Variants in PCDHGA8 observed in about 807,000 individuals in gnomAD.
The protein encoded by PCDHGA8 is protocadherin gamma subfamily A, 8, also known as protocadherin gamma-A8.
Under a neutral mutation model 59.2 loss-of-function variants are expected in PCDHGA8, and 45 were observed. The observed-to-expected ratio is 0.76, with a 90% CI of 0.60 to 0.98. PCDHGA8 has a LOEUF of 0.98. PCDHGA8 is among the 50% of genes least tolerant of loss of function. The probability of loss-of-function intolerance (pLI) is 0.00; values close to 1 mark genes in which losing one functional copy is unlikely to be tolerated. For synonymous variants in PCDHGA8, 531 were observed against 519.0 expected, an observed-to-expected ratio of 1.02 and a Z score of -0.32; for missense variants, 1,257 against 1,196.2, an observed-to-expected ratio of 1.05 and a Z score of -0.75.
chr5:141,434,072 A>G lies in PCDHGA8; in HGVS notation c.2424+38835A>G, dbSNP rs558084143. On this transcript the variant is annotated intron_variant, in intron 1 of 3. Coordinates refer to ENST00000398604, the MANE Select transcript of PCDHGA8 (RefSeq NM_032088.2). ...CAATGGCCTGTAATCTGTTAATATC[A>G]ATTATTTATTTTGATGCTGAAATTG... Among the ~76,000 whole-genome samples the G allele has an allele frequency of 1.9e-3, 289 of 152,072 alleles. 1 individual carries two copies. Among genetic ancestry groups the G allele is most frequent in the African/African-American group, 6.7e-3 (276 of 41,486 alleles).
intron 1 of PCDHGA8, among the ~76,000 whole-genome samples, chr5:141,466,554 G>A (rs2099125028): frequency 6.6e-6 from 1 of 152,068 alleles, no homozygotes. Flanking sequence ...TTTGCTGTGG[G>A]CTTCATCTTC....
chr5:141,423,864 G>T, intron 1 of PCDHGA8: 4 of 1,284,224 alleles, frequency 3.1e-6, no homozygotes, highest in Non-Finnish European at 3.9e-6. Flanking sequence ...TTTTGTGAAA[G>T]TCATTTTTCA....
rs1386791249 is a variant in PCDHGA8 at position 141,511,417 on chromosome 5, G to A, written c.*244G>A. 1.2e-6 allele frequency: 1 copy of A among 835,942 alleles called. No homozygotes were observed. Among genetic ancestry groups the A allele is most frequent in the African/African-American group, 1.7e-5 (1 of 58,154 alleles). The allele number at this position is 835,942 out of a possible 1,614,324, so 51.8% of individuals were successfully genotyped here. A position where few individuals can be genotyped will look rare whatever the true frequency, so the allele number is the denominator to read the frequency against. The stretch of plus-strand genomic sequence containing the variant: ...CCATCCAATCAACTGCTGTACCCAT[G>A]GGGGTAGTGGGGTTACTGTAGACAC... On this transcript the variant is annotated 3_prime_UTR_variant, in exon 4 of 4. Transcript: ENST00000398604.
At chr5:141,484,451 T>G (rs2099596635) in intron 1 of PCDHGA8, among the ~76,000 whole-genome samples, 2 of 152,264 alleles carry the variant, frequency 1.3e-5, no homozygotes, top group South Asian at 4.1e-4. Flanking sequence ...TTTAATTGGC[T>G]ACGTTAATGT....
Position 141,505,488 on chromosome 5 carries a change from G to A in PCDHGA8, c.2572+7G>A. On this transcript the variant is annotated splice_region_variant and intron_variant, in intron 3 of 3. Transcript: ENST00000398604. Reference sequence around the variant, plus strand: ...ATCTTGGCGTCCGCCAGTGGTAAGTGGTGTCAGTGTGTGTATGGAAGAGTG... The same window carrying A: ...ATCTTGGCGTCCGCCAGTGGTAAGTAGTGTCAGTGTGTGTATGGAAGAGTG... The A allele has an allele frequency of 6.2e-7, 1 of 1,614,222 alleles. No individual in the cohort carries two copies. The highest frequency in any genetic ancestry group is 8.5e-7 in the Non-Finnish European group (1 of 1,180,018).
chr5:141,498,814 T>G (rs2099785952), intron 2 of PCDHGA8, among the ~76,000 whole-genome samples: 1 of 151,956 alleles, frequency 6.6e-6, no homozygotes. Flanking sequence ...ACACCTGTAG[T>G]CCCAGCTACT....
chr5:141,459,253 ATTAGTGTTGCCTCT>A (rs1439680561), intron 1 of PCDHGA8, among the ~76,000 whole-genome samples: 1 of 152,174 alleles, frequency 6.6e-6, no homozygotes, highest in African/African-American at 2.4e-5. Context: ...GTCACTATAA[ATTAGTGTTGCCTCT>A]TTCAGAATTT....
chr5:141,427,764 T>C (rs1239199764), intron 1 of PCDHGA8: 4 of 1,383,480 alleles, frequency 2.9e-6, no homozygotes, highest in Non-Finnish European at 4.1e-6. Context: ...TACCACTGAC[T>C]TGGAGCTGCG....
chr5:141,404,681 C>T, intron 1 of PCDHGA8: 1 of 1,614,092 alleles, frequency 6.2e-7, no homozygotes, highest in Non-Finnish European at 8.5e-7. Context: ...TGGTGTGGAG[C>T]TGGCACCCCG....
intron 2 of PCDHGA8, among the ~76,000 whole-genome samples, chr5:141,500,184 TTTTATTTATTTATTTATTTA>T (rs58019021): frequency 1.5e-5 from 2 of 135,966 alleles, no homozygotes; most frequent in Non-Finnish European, 3.2e-5. Flanking sequence ...TCATTTTTAT[TTTTATTTATTTATTTATTTA>T]TTTATTTATT....
chr5:141,394,860 G>C lies in PCDHGA8; in HGVS notation c.2047G>C (p.Asp683His), dbSNP rs750446579. 8 of 1,613,674 alleles carry C rather than the reference G, an allele frequency of 5.0e-6. No individual in the cohort carries two copies. Among genetic ancestry groups the C allele is most frequent in the Non-Finnish European group, 5.9e-6 (7 of 1,179,922 alleles). ...GTTGGGCAGTCTGAAGCCTTCGGTC[G>C]ACCCGAACGATTCGAGCCTTACACT... Reference protein sequence around the residue: ...TELGSLKPSVDPNDSSLTLYL... With the variant: ...TELGSLKPSVHPNDSSLTLYL... Residue 683 changes from aspartate to histidine, a missense_variant, in exon 1 of 4, where the codon GAC (aspartate) becomes CAC (histidine). Coordinates refer to ENST00000398604, the MANE Select transcript of PCDHGA8 (RefSeq NM_032088.2).
intron 1 of PCDHGA8, among the ~76,000 whole-genome samples, chr5:141,492,409 C>A (rs1367119266): frequency 6.6e-6 from 1 of 152,230 alleles, no homozygotes; most frequent in Non-Finnish European, 1.5e-5. Flanking sequence ...TCCCCTCTGC[C>A]GCTCCCTCCG....
rs140199351 is a variant in PCDHGA8, at chr5:141,465,921, G to C, written c.2425-28886G>C. Among the ~76,000 whole-genome samples, 1,515 of 152,146 alleles carry C rather than the reference G, an allele frequency of 1.0e-2. 24 individuals carry two copies. The highest frequency in any genetic ancestry group is 0.034 in the African/African-American group (1,400 of 41,520). On this transcript the variant is annotated intron_variant, in intron 1 of 3. Transcript: ENST00000398604. ...GCAAATCACGAGGTCAGGATTTCGA[G>C]TCCATCCTGGCTAACATGGTGAAAC...
At chr5:141,457,532 T>C (rs2098923599) in intron 1 of PCDHGA8, among the ~76,000 whole-genome samples, 1 of 152,058 alleles carries the variant, frequency 6.6e-6, no homozygotes, top group Admixed American at 6.6e-5. Flanking sequence ...GAGACTAGGG[T>C]TTAATGACAA....
intron 1 of PCDHGA8, chr5:141,423,728 T>C (rs1312071121): frequency 9.4e-6 from 10 of 1,067,510 alleles, no homozygotes; most frequent in Non-Finnish European, 1.1e-5. Context: ...AGATGTTTTT[T>C]GAGCCTGTTA....
intron 1 of PCDHGA8, chr5:141,442,056 C>T: frequency 5.0e-6 from 1 of 198,150 alleles, no homozygotes; most frequent in Non-Finnish European, 1.0e-5. Flanking sequence ...GGTCGCGGTG[C>T]ACTGCGGTGG....
chr5:141,500,901 G>T (rs984072329), intron 2 of PCDHGA8, among the ~76,000 whole-genome samples: 1 of 144,582 alleles, frequency 6.9e-6, no homozygotes, highest in Non-Finnish European at 1.5e-5. Context: ...AGACAGTCTC[G>T]CTCTGTCTCC....
chr5:141,491,583 C>G lies in PCDHGA8; in HGVS notation c.2425-3224C>G. On this transcript the variant is annotated intron_variant, in intron 1 of 3. Coordinates refer to ENST00000398604, the MANE Select transcript of PCDHGA8 (RefSeq NM_032088.2). This position sits in a 1 kb window ranked among gnomAD's most constrained non-coding sequence, Gnocchi z 6.9. ...GCTACAGGACGTGCTTTTCACCGGC[C>G]TCGGACGGCAGTGACTTCACTTTTC... is the stretch of plus-strand genomic sequence containing the variant. 1 of 1,613,964 alleles carries G rather than the reference C, an allele frequency of 6.2e-7. No individual in the cohort carries two copies. The highest frequency in any genetic ancestry group is 8.5e-7 in the Non-Finnish European group (1 of 1,180,046).
chr5:141,428,594 G>A (rs1317075888), intron 1 of PCDHGA8: 4 of 227,916 alleles, frequency 1.8e-5, no homozygotes, highest in African/African-American at 9.1e-5. Context: ...CTGGTAGCAA[G>A]CTTCACTGAA....
Sources: allele counts gnomAD v4.1 joint callset (sites outside exome capture counted in the v4.1 genomes callset), GRCh38; gene constraint gnomAD v4.1.1; non-coding constraint Gnocchi (gnomAD v3.1); transcripts MANE v1.5; gene names NCBI Gene and HGNC (gene_info 2026-07-23, HGNC 2026-07-21).